Variants in TTC17 observed in about 807,000 individuals in gnomAD.
TTC17 encodes the protein tetratricopeptide repeat domain 17, also known as tetratricopeptide repeat protein 17.
Under a neutral mutation model 143.8 loss-of-function variants are expected in TTC17, and 58 were observed. The observed-to-expected ratio is 0.40, with a 90% CI of 0.33 to 0.50. TTC17 has a LOEUF of 0.50. Among genes scored for constraint, TTC17 ranks in the 20% least tolerant of loss-of-function variants. The pLI is 0.49. For missense variants in TTC17, 1,273 were observed against 1,392.5 expected, an observed-to-expected ratio of 0.91 and a Z score of 1.37; for synonymous variants, 501 against 497.8, an observed-to-expected ratio of 1.01 and a Z score of -0.09.
At chr11:43,384,092 C>T (rs1391594338) in intron 2 of TTC17, among the ~76,000 whole-genome samples, 2 of 151,188 alleles carry the variant, frequency 1.3e-5, no homozygotes, top group Non-Finnish European at 2.9e-5. Context: ...TTACAGTGAG[C>T]TATGATAGTA....
chr11:43,414,556 C>G (rs766211711), intron 15 of TTC17, 34 bp from the exon 16 acceptor site: 2 of 1,579,034 alleles, frequency 1.3e-6, no homozygotes, highest in Non-Finnish European at 8.6e-7. Flanking sequence ...AATATTAGTT[C>G]ATTAACATTT....
At chr11:43,435,914 G>T (rs1195837201) in intron 16 of TTC17, among the ~76,000 whole-genome samples, 1 of 152,160 alleles carries the variant, frequency 6.6e-6, no homozygotes, top group Admixed American at 6.5e-5. Context: ...GATCTTTGTT[G>T]TTACAGTTGT....
chr11:43,446,594 A>G, intron 18 of TTC17: 5 of 846,386 alleles, frequency 5.9e-6, no homozygotes, highest in Non-Finnish European at 7.1e-6. Flanking sequence ...AAACAGAGTT[A>G]ATTTGAAACT....
chr11:43,411,008 G>C (rs1340760888), intron 15 of TTC17, among the ~76,000 whole-genome samples: 3 of 152,098 alleles, frequency 2.0e-5, no homozygotes, highest in Non-Finnish European at 4.4e-5. Context: ...TGGTTTCTCT[G>C]CTTCTGCCAT....
intron 1 of TTC17, among the ~76,000 whole-genome samples, chr11:43,374,876 A>G (rs1382039826): frequency 2.0e-5 from 3 of 152,162 alleles, no homozygotes; most frequent in African/African-American, 7.2e-5. Flanking sequence ...CAGAACTACC[A>G]TTTGATCCAG....
chr11:43,442,814 C>G (rs530038792), intron 16 of TTC17, among the ~76,000 whole-genome samples: 1 of 152,262 alleles, frequency 6.6e-6, no homozygotes, highest in African/African-American at 2.4e-5. Flanking sequence ...TTTCTTATAT[C>G]AGCCATTTAG....
chr11:43,440,397 T>C (rs1441937176), intron 16 of TTC17, among the ~76,000 whole-genome samples: 6 of 152,252 alleles, frequency 3.9e-5, no homozygotes, highest in African/African-American at 1.2e-4. Context: ...TGTTTACATA[T>C]TCACAGATTC....
At chr11:43,364,209 A>C (rs939049341) in intron 1 of TTC17, among the ~76,000 whole-genome samples, 1 of 151,864 alleles carries the variant, frequency 6.6e-6, no homozygotes, top group Non-Finnish European at 1.5e-5. Flanking sequence ...GGTGTGCACC[A>C]CCACACCTGG....
intron 15 of TTC17, among the ~76,000 whole-genome samples, chr11:43,410,114 A>G (rs1214008044): frequency 6.6e-6 from 1 of 152,006 alleles, no homozygotes; most frequent in African/African-American, 2.4e-5. Context: ...TGACCTCCCA[A>G]AGTGCTGGGA....
intron 8 of TTC17, among the ~76,000 whole-genome samples, chr11:43,399,500 C>A (rs1382710572): frequency 1.3e-5 from 2 of 152,020 alleles, no homozygotes; most frequent in African/African-American, 2.4e-5. Context: ...CACAGCAAGA[C>A]CCAGTTTCTA....
At chr11:43,487,927 C>T (rs1360548405) in intron 21 of TTC17, among the ~76,000 whole-genome samples, 1 of 152,164 alleles carries the variant, frequency 6.6e-6, no homozygotes. Context: ...CATATAAATC[C>T]AGTCATTTAG....
intron 16 of TTC17, among the ~76,000 whole-genome samples, chr11:43,422,086 TG>T (rs967525559): frequency 2.6e-5 from 4 of 152,148 alleles, no homozygotes; most frequent in African/African-American, 7.2e-5. Flanking sequence ...CCTGTACCAC[TG>T]GGGTGGACAG....
At chr11:43,454,663 G>A (rs1947727944) in intron 21 of TTC17, among the ~76,000 whole-genome samples, 1 of 151,960 alleles carries the variant, frequency 6.6e-6, no homozygotes, top group Non-Finnish European at 1.5e-5. Context: ...GCAAATAAGA[G>A]AGCAAAGTTT....
chr11:43,471,304 C>G (rs755201382), intron 21 of TTC17, among the ~76,000 whole-genome samples: 1 of 152,184 alleles, frequency 6.6e-6, no homozygotes, highest in Non-Finnish European at 1.5e-5. Context: ...GGTAGAGGCT[C>G]GTAGACATTA....
At chr11:43,466,010 GA>G (rs1947965036) in intron 21 of TTC17, among the ~76,000 whole-genome samples, 2 of 152,152 alleles carry the variant, frequency 1.3e-5, no homozygotes, top group Non-Finnish European at 2.9e-5. Flanking sequence ...CAGACTAGGA[GA>G]AAATATTTGC....
At chr11:43,408,744 CCTTTTTTTTTT>C (rs1253753180) in intron 15 of TTC17, among the ~76,000 whole-genome samples, 1 of 151,904 alleles carries the variant, frequency 6.6e-6, no homozygotes, top group African/African-American at 2.4e-5. Flanking sequence ...CAAAAATATA[CCTTTTTTTTTT>C]CTTTGAGACA....
intron 16 of TTC17, among the ~76,000 whole-genome samples, chr11:43,434,701 A>G (rs922452008): frequency 2.0e-5 from 3 of 152,368 alleles, no homozygotes; most frequent in African/African-American, 4.8e-5. Flanking sequence ...ATTTGGAACA[A>G]GTATTCTTTG....
intron 21 of TTC17, among the ~76,000 whole-genome samples, chr11:43,488,531 T>A (rs1278019199): frequency 6.6e-6 from 1 of 151,326 alleles, no homozygotes; most frequent in Admixed American, 6.6e-5. Flanking sequence ...GGGAGAGAGG[T>A]GAATTATTAA....
Position 43,427,098 on chromosome 11 carries a change from ATACT to A in TTC17, c.2251+12327_2251+12330del, listed in dbSNP as rs569009826. ...TATTTTAAACTTTGGTTTAAATATC[ATACT>A]TACTACCTATACCAATGCAAAGGAC... On this transcript the variant is annotated intron_variant, in intron 16 of 23. Coordinates refer to ENST00000039989, the MANE Select transcript of TTC17 (RefSeq NM_018259.6). Among the ~76,000 whole-genome samples the A allele has an allele frequency of 3.9e-5, 6 of 152,334 alleles. No individual in the cohort carries two copies. In the South Asian group the frequency reaches 6.2e-4, roughly 16 times the overall value.
Sources: gnomAD v4.1 joint callset for allele counts (sites outside exome capture counted in the v4.1 genomes callset) on GRCh38, gnomAD v4.1.1 for gene constraint, MANE v1.5 for transcripts, NCBI Gene and HGNC (gene_info 2026-07-23, HGNC 2026-07-21) for gene names.